Variants in FNIP1 observed in about 807,000 individuals in gnomAD.
FNIP1 encodes folliculin interacting protein 1.
Under a neutral mutation model 124.5 loss-of-function variants are expected in FNIP1, and 40 were observed. The ratio of observed to expected loss-of-function variants is 0.32; its 90% confidence interval spans 0.25 to 0.42. FNIP1 has a LOEUF of 0.42. Ranked by LOEUF, FNIP1 falls within the 10% of genes least tolerant of loss-of-function variation. The pLI is 1.00. For synonymous variants in FNIP1, 472 were observed against 470.6 expected (o/e 1.00, Z -0.04); for missense variants, 1,176 against 1,403.7 (o/e 0.84, Z 2.59).
chr5:131,749,540 T>C (rs886551064), intron 1 of FNIP1, among the ~76,000 whole-genome samples: 7 of 152,012 alleles, frequency 4.6e-5, no homozygotes, highest in African/African-American at 1.7e-4. Flanking sequence ...TACAGGCGTG[T>C]GCCATCATGC....
Position 131,796,816 on chromosome 5 carries a change from C to G in FNIP1, c.92+14G>C, listed in dbSNP as rs1307638870. On this transcript the variant is annotated intron_variant, in intron 1 of 17. Transcript: ENST00000510461. ...GGCCATCGGCTCCGCGACCCCCGCC[C>G]CACAGCGCCCTACCTGAACCCGCAA... The G allele has an allele frequency of 4.5e-6, 7 of 1,567,484 alleles. No individual in the cohort carries two copies. Among genetic ancestry groups the G allele is most frequent in the Non-Finnish European group, 6.1e-6 (7 of 1,156,724 alleles).
At chr5:131,736,476 G>A (rs1316948872) in intron 2 of FNIP1, among the ~76,000 whole-genome samples, 2 of 152,164 alleles carry the variant, frequency 1.3e-5, no homozygotes, top group Non-Finnish European at 2.9e-5. Context: ...AGTACTACGC[G>A]TTCTAAGCCA....
chr5:131,712,702 T>A (rs942378818), intron 6 of FNIP1, among the ~76,000 whole-genome samples: 1 of 152,232 alleles, frequency 6.6e-6, no homozygotes, highest in Non-Finnish European at 1.5e-5. Flanking sequence ...TTGGTTGTAA[T>A]TTCTAATAAA....
intron 11 of FNIP1, among the ~76,000 whole-genome samples, chr5:131,697,858 A>T (rs1768755160): frequency 6.6e-6 from 1 of 151,406 alleles, no homozygotes; most frequent in Non-Finnish European, 1.5e-5. Flanking sequence ...AATCCCAGCT[A>T]CTGAGGAGGC....
At chr5:131,693,315 TACACATATATATATATAC>T (rs1358663766) in intron 11 of FNIP1, among the ~76,000 whole-genome samples, 2 of 19,104 alleles carry the variant, frequency 1.0e-4, no homozygotes, top group African/African-American at 1.4e-4. Context: ...TATATATATA[TACACATATATATATATAC>T]ATATATATAT....
chr5:131,684,635 C>T (rs1235942094), intron 11 of FNIP1, among the ~76,000 whole-genome samples: 1 of 152,094 alleles, frequency 6.6e-6, no homozygotes, highest in Non-Finnish European at 1.5e-5. Flanking sequence ...TATAATACCA[C>T]AGCAATTGAC....
chr5:131,719,479 T>C (rs1327109494), intron 3 of FNIP1, 62 bp from the exon 4 acceptor site: 1 of 1,425,402 alleles, frequency 7.0e-7, no homozygotes, highest in Non-Finnish European at 9.6e-7. Context: ...ATTTCATATG[T>C]TGATTTTTAT....
chr5:131,660,653 G>C (rs71591982), intron 15 of FNIP1, among the ~76,000 whole-genome samples: 595 of 152,318 alleles, frequency 3.9e-3, no homozygotes, highest in Non-Finnish European at 6.5e-3. Flanking sequence ...TCTCCCATGT[G>C]GGGTGGCTGG....
At chr5:131,649,729 A>G (rs556489752) in intron 16 of FNIP1, among the ~76,000 whole-genome samples, 1 of 152,290 alleles carries the variant, frequency 6.6e-6, no homozygotes, top group Admixed American at 6.5e-5. Context: ...GTCATATCCA[A>G]TGTCACAAAG....
rs1285862678 is a variant in FNIP1, at chr5:131,779,735, A to ATTTGT, written c.92+17090_92+17094dup. On this transcript the variant is annotated intron_variant, in intron 1 of 17. Coordinates refer to ENST00000510461, the MANE Select transcript of FNIP1 (RefSeq NM_133372.3). ...AAAAAGAAATGATAGGATGTCTACA[A>ATTTGT]TTTGTTTTAAAATACAGTACCAACC... is the stretch of plus-strand genomic sequence containing the variant. 2.0e-5 allele frequency among the ~76,000 whole-genome samples: 3 copies of ATTTGT among 151,500 alleles called. No individual in the cohort carries two copies. In the East Asian group the frequency reaches 5.8e-4, roughly 29 times the overall value.
intron 11 of FNIP1, among the ~76,000 whole-genome samples, chr5:131,687,528 G>C (rs893291598): frequency 6.6e-6 from 1 of 152,184 alleles, no homozygotes; most frequent in Non-Finnish European, 1.5e-5. Context: ...CAAAGAGCTT[G>C]GAAGTCATTA....
At chr5:131,752,537 C>T (rs1384259627) in intron 1 of FNIP1, among the ~76,000 whole-genome samples, 1 of 63,048 alleles carries the variant, frequency 1.6e-5, no homozygotes, top group Admixed American at 1.6e-4. Flanking sequence ...ACCTGAACAT[C>T]TAAAAAAAAA....
At chr5:131,760,792 T>C (rs1048418181) in intron 1 of FNIP1, among the ~76,000 whole-genome samples, 16 of 151,132 alleles carry the variant, frequency 1.1e-4, no homozygotes, top group African/African-American at 3.9e-4. Context: ...TCAAAAGCTA[T>C]GCATGTAGAA....
At position 131,669,241 on chromosome 5, in the gene FNIP1, G is replaced by A. The variant is rs138397304; in HGVS notation, c.3108+1222C>T. Among the ~76,000 whole-genome samples the A allele has an allele frequency of 7.5e-3, 1,143 of 152,248 alleles. 2 individuals carry two copies. The highest frequency in any genetic ancestry group is 0.011 in the Non-Finnish European group (718 of 68,020). ...TATTCTTATTCTTAAAAGCCTGGAT[G>A]CAGATGGTTTCACTAGTGAGTTCTA... On this transcript the variant is annotated intron_variant, in intron 15 of 17. Transcript: ENST00000510461.
At chr5:131,670,820 C>A (rs1026981530) in intron 14 of FNIP1, among the ~76,000 whole-genome samples, 189 bp from the exon 15 acceptor site, 2 of 151,700 alleles carry the variant, frequency 1.3e-5, no homozygotes, top group African/African-American at 2.4e-5. Context: ...ATAGTAAAAT[C>A]AAGAGTAAAA....
intron 11 of FNIP1, among the ~76,000 whole-genome samples, chr5:131,692,999 C>T (rs1580759701): frequency 6.7e-6 from 1 of 150,068 alleles, no homozygotes; most frequent in Non-Finnish European, 1.5e-5. Flanking sequence ...CAGAGTGAGA[C>T]TGTCTAAAAA....
At position 131,644,141 on chromosome 5, in the gene FNIP1, C is replaced by T. The variant is rs906903061; in HGVS notation, c.*544G>A. 5 of 152,172 alleles carry T rather than the reference C, an allele frequency of 3.3e-5. No homozygotes were observed. The highest frequency in any genetic ancestry group is 1.2e-4 in the African/African-American group (5 of 41,416). The allele number at this position is 152,172 out of a possible 1,614,324, so 9.4% of individuals were successfully genotyped here. ...ATGTACACTTGGGTGGATAACATAACACATTTACACTCATTATTCTGAGTT... is the reference window on the plus strand; with the variant it reads ...ATGTACACTTGGGTGGATAACATAATACATTTACACTCATTATTCTGAGTT... On this transcript the variant is annotated 3_prime_UTR_variant, in exon 18 of 18. Coordinates refer to ENST00000510461, the MANE Select transcript of FNIP1 (RefSeq NM_133372.3).
chr5:131,672,906 A>C lies in FNIP1; in HGVS notation c.1538T>G (p.Ile513Ser). The change falls in exon 14 of 18, where the codon ATT becomes AGT. Residue 513 changes from isoleucine (I) to serine (S), a missense_variant. This residue lies in a region of FNIP1 where 1,109 missense variants were observed against 1,288.5 expected (regional missense o/e 0.86). Transcript: ENST00000510461. ...CCTTGCTAACCGTACGGGAGAGCCA[A>C]TAGCGCCATACAAGTCTCCTGTAAT... Reference protein sequence around the residue: ...WAQLGDLYGAIGSPVRLARTV... With the variant: ...WAQLGDLYGASGSPVRLARTV... The C allele has an allele frequency of 6.4e-7, 1 of 1,556,884 alleles. No individual in the cohort carries two copies.
intron 15 of FNIP1, among the ~76,000 whole-genome samples, chr5:131,653,048 C>A (rs1180428906): frequency 6.6e-6 from 1 of 152,140 alleles, no homozygotes; most frequent in Admixed American, 6.5e-5. Flanking sequence ...TGCTAACTAT[C>A]CCAATATGTC....
Sources: allele counts gnomAD v4.1 joint callset (sites outside exome capture counted in the v4.1 genomes callset), GRCh38; gene constraint gnomAD v4.1.1; regional missense constraint gnomAD v4.1.1; transcripts MANE v1.5; gene names NCBI Gene and HGNC (gene_info 2026-07-23, HGNC 2026-07-21).